The following DOCK9 variants were observed in gnomAD, a reference collection of about 807,000 sequenced individuals.
The protein encoded by DOCK9 is dedicator of cytokinesis 9.
Under a neutral mutation model 263.3 loss-of-function variants are expected in DOCK9, and 89 were observed. The observed-to-expected ratio is 0.34, with a 90% CI of 0.28 to 0.40. The LOEUF (loss-of-function observed/expected upper bound fraction) is 0.40, where lower values mean the gene tolerates loss of function less well. Ranked by LOEUF, DOCK9 falls within the 10% of genes least tolerant of loss-of-function variation. The pLI, the probability that DOCK9 is intolerant of heterozygous loss-of-function variation, is 1.00. For synonymous variants in DOCK9, 976 were observed against 973.1 expected (o/e 1.00, Z -0.06); for missense variants, 2,140 against 2,603.4 (o/e 0.82, Z 3.87).
chr13:98,926,094 T>C (rs891309918), intron 3 of DOCK9, among the ~76,000 whole-genome samples, 175 bp from the exon 4 acceptor site: 13 of 152,232 alleles, frequency 8.5e-5, no homozygotes, highest in South Asian at 6.2e-4. Flanking sequence ...GCTTGAGACT[T>C]TGAACCACTG....
rs779047074 is a variant in DOCK9, at chr13:98,853,521, T to C, written c.3833A>G (p.His1278Arg). 22 of 1,606,986 alleles carry C rather than the reference T, an allele frequency of 1.4e-5. No homozygotes were observed. In the South Asian group the frequency reaches 2.1e-4, roughly 15 times the overall value. ...ATTTCCCAATGTGCTACTTTGTTGG[T>C]GCTAAAAAGAAAATACAGGTGATTT... ...NSEKSNSLDK[H>R]QQSSTLGNSV... The change falls in exon 35 of 53, where the codon CAC becomes CGC. Residue 1278 changes from histidine to arginine, a missense_variant and splice_region_variant. Transcript: ENST00000682017.
At chr13:99,029,722 T>C (rs774087788) in intron 1 of DOCK9, among the ~76,000 whole-genome samples, 3 of 152,216 alleles carry the variant, frequency 2.0e-5, no homozygotes, top group Non-Finnish European at 1.5e-5. Context: ...CCCTCATACA[T>C]TGCTGACAAA....
At chr13:98,931,987 A>G (rs2054026004) in intron 2 of DOCK9, among the ~76,000 whole-genome samples, 1 of 151,840 alleles carries the variant, frequency 6.6e-6, no homozygotes, top group Admixed American at 6.6e-5. Flanking sequence ...TCAACCTCCC[A>G]AAGTGCTGAG....
intron 1 of DOCK9, among the ~76,000 whole-genome samples, chr13:99,010,373 T>A (rs1323563845): frequency 6.6e-6 from 1 of 152,230 alleles, no homozygotes; most frequent in Admixed American, 6.5e-5. Flanking sequence ...AAAAATTGAA[T>A]TGACAATGTG....
At chr13:98,795,024 G>A (rs1421709778) in intron 52 of DOCK9, among the ~76,000 whole-genome samples, 1 of 152,228 alleles carries the variant, frequency 6.6e-6, no homozygotes, top group African/African-American at 2.4e-5. Flanking sequence ...AGAGGGAGAT[G>A]TTCAGCTTAT....
At chr13:98,931,399 C>A (rs1324151670) in intron 2 of DOCK9, among the ~76,000 whole-genome samples, 1 of 151,322 alleles carries the variant, frequency 6.6e-6, no homozygotes, top group Non-Finnish European at 1.5e-5. Context: ...CCCGGGTTCA[C>A]GCCATTCTTC....
chr13:98,857,462 T>C (rs2093734291), intron 33 of DOCK9: 1 of 152,246 alleles, frequency 6.6e-6, no homozygotes, highest in African/African-American at 2.4e-5. Context: ...CTAATTTTTT[T>C]GTATTTCTAG....
chr13:98,824,236 G>A (rs971363316), intron 45 of DOCK9, among the ~76,000 whole-genome samples, 162 bp downstream of exon 45: 2 of 152,198 alleles, frequency 1.3e-5, no homozygotes, highest in African/African-American at 4.8e-5. Context: ...AGAAGCTTTT[G>A]CTGCTCTGCA....
intron 1 of DOCK9, among the ~76,000 whole-genome samples, chr13:98,987,274 A>G (rs9517525): frequency 6.6e-6 from 1 of 152,026 alleles, no homozygotes; most frequent in Admixed American, 6.5e-5. Context: ...AATATATACA[A>G]TTATTTGTCA....
intron 18 of DOCK9, among the ~76,000 whole-genome samples, chr13:98,887,156 T>G (rs796943374): frequency 5.6e-5 from 4 of 71,426 alleles, no homozygotes; most frequent in African/African-American, 2.0e-4. Context: ...TTTTTTTTTT[T>G]TTTTTTTTTT....
At chr13:99,012,698 T>G (rs1372170272) in intron 1 of DOCK9, among the ~76,000 whole-genome samples, 4 of 152,078 alleles carry the variant, frequency 2.6e-5, no homozygotes, top group Non-Finnish European at 5.9e-5. Flanking sequence ...TCAATAGAGG[T>G]AGTCTGGACA....
chr13:98,897,606 A>G lies in DOCK9; in HGVS notation c.1591T>C (p.Leu531=). The G allele has an allele frequency of 6.2e-7, 1 of 1,612,756 alleles. No individual in the cohort carries two copies. Among genetic ancestry groups the G allele is most frequent in the Non-Finnish European group, 8.5e-7 (1 of 1,179,578 alleles). ...AGATTTCCAGATGCATCCTTAAACA[A>G]TGTCCTGAAATGGCAAAGCAACATT... ...RMPFAWAART[L]FKDASGNLDK... Residue 531 remains leucine, a synonymous_variant, in exon 15 of 53, where the codon TTG becomes CTG. Transcript: ENST00000682017.
chr13:98,992,924 A>G (rs1880152284), intron 1 of DOCK9, among the ~76,000 whole-genome samples: 1 of 152,198 alleles, frequency 6.6e-6, no homozygotes, highest in African/African-American at 2.4e-5. Flanking sequence ...AAAGGTGTTC[A>G]AGCAAAAAGG....
At chr13:98,912,050 A>G (rs1306295004) in intron 9 of DOCK9, among the ~76,000 whole-genome samples, 1 of 151,562 alleles carries the variant, frequency 6.6e-6, no homozygotes, top group African/African-American at 2.4e-5. Flanking sequence ...TTGTATTTCT[A>G]GTAGAGACAG....
intron 37 of DOCK9, chr13:98,846,545 C>CA: frequency 7.4e-7 from 1 of 1,352,008 alleles, no homozygotes; most frequent in Non-Finnish European, 9.8e-7. Flanking sequence ...AAGAGCCACA[C>CA]ACTTTGTTAA....
In DOCK9 at chr13:99,084,260, T is replaced by C. The variant is rs185914473; in HGVS notation, c.129+1963A>G. 2.0e-4 allele frequency among the ~76,000 whole-genome samples: 31 copies of C among 152,350 alleles called. No homozygotes were observed. In the East Asian group the frequency reaches 4.6e-3, roughly 23 times the overall value. On this transcript the variant is annotated intron_variant, in intron 1 of 32. Coordinates refer to the DOCK9 transcript ENST00000427887. ...GTGTGTGGGTAATTTTCAGTATCTG[T>C]AAGCCCTCCCAGATTCTTCCTTCTG...
chr13:98,946,713 C>G (rs2056761402), intron 2 of DOCK9, among the ~76,000 whole-genome samples: 1 of 152,130 alleles, frequency 6.6e-6, no homozygotes, highest in South Asian at 2.1e-4. Flanking sequence ...TCCCGCAGAC[C>G]TTGTCACTGC....
At chr13:99,055,763 A>T (rs1356636433) in intron 1 of DOCK9, among the ~76,000 whole-genome samples, 1 of 151,900 alleles carries the variant, frequency 6.6e-6, no homozygotes, top group African/African-American at 2.4e-5. Context: ...AGCTGTGCCT[A>T]ATAAGCCTGT....
chr13:98,889,706 C>T (rs572576735), intron 15 of DOCK9, among the ~76,000 whole-genome samples: 1 of 152,328 alleles, frequency 6.6e-6, no homozygotes, highest in South Asian at 2.1e-4. Flanking sequence ...GTTCCTCTAT[C>T]TTTCAACCAC....
Sources: allele counts gnomAD v4.1 joint callset (sites outside exome capture counted in the v4.1 genomes callset), GRCh38; gene constraint gnomAD v4.1.1; transcripts MANE v1.5; gene names NCBI Gene and HGNC (gene_info 2026-07-23, HGNC 2026-07-21).